The following PPP1CB variants were observed in gnomAD, a reference collection of about 807,000 sequenced individuals.
The protein encoded by PPP1CB is serine/threonine-protein phosphatase PP1-beta catalytic subunit.
In PPP1CB, 2 loss-of-function variants were observed where a neutral mutation model predicts 43.7. The ratio of observed to expected loss-of-function variants is 0.05; its 90% CI spans 0.02 to 0.14. The LOEUF (loss-of-function observed/expected upper bound fraction) is 0.14. Ranked by LOEUF, PPP1CB falls within the 10% of genes least tolerant of loss-of-function variation. PPP1CB has a pLI of 1.00. For missense variants in PPP1CB, 84 were observed against 398.0 expected, an observed-to-expected ratio of 0.21 and a Z score of 6.71; for synonymous variants, 136 against 135.6, an observed-to-expected ratio of 1.00 and a Z score of -0.02.
chr2:28,785,267 G>C (rs1667242421), intron 5 of PPP1CB, among the ~76,000 whole-genome samples: 1 of 151,106 alleles, frequency 6.6e-6, no homozygotes, highest in East Asian at 2.0e-4. Flanking sequence ...GTAGAGATGG[G>C]GTTTCACCAT....
At chr2:28,790,884 T>G (rs1220457050) in intron 6 of PPP1CB, among the ~76,000 whole-genome samples, 1 of 152,214 alleles carries the variant, frequency 6.6e-6, no homozygotes, top group Non-Finnish European at 1.5e-5. Context: ...TATCTACTTT[T>G]GTGTATATTT....
intron 2 of PPP1CB, chr2:28,778,469 A>G: frequency 2.1e-6 from 1 of 483,288 alleles, no homozygotes; most frequent in Non-Finnish European, 4.2e-6. Context: ...TCAGTTCCTT[A>G]TAGACTGATG....
At chr2:28,784,934 A>G (rs1427337974) in intron 5 of PPP1CB, among the ~76,000 whole-genome samples, 14 of 119,290 alleles carry the variant, frequency 1.2e-4, no homozygotes, top group Non-Finnish European at 2.2e-4. Flanking sequence ...AAAAAAAAAA[A>G]GAAAAAAGAA....
chr2:28,761,003 C>T (rs1442662955), intron 1 of PPP1CB, among the ~76,000 whole-genome samples: 3 of 152,088 alleles, frequency 2.0e-5, no homozygotes, highest in Admixed American at 6.5e-5. Flanking sequence ...TGGGTTCTAG[C>T]GATTCTCCTG....
intron 1 of PPP1CB, among the ~76,000 whole-genome samples, chr2:28,758,998 G>A (rs969099209): frequency 2.6e-5 from 4 of 152,194 alleles, no homozygotes; most frequent in Admixed American, 2.6e-4. Flanking sequence ...TCAGTTGCAA[G>A]GTGACCAAAA....
chr2:28,772,838 G>C (rs984137912), intron 1 of PPP1CB, among the ~76,000 whole-genome samples: 2 of 152,126 alleles, frequency 1.3e-5, no homozygotes, highest in East Asian at 3.9e-4. Context: ...CACTAAAAAA[G>C]GTTTCGGTTT....
intron 4 of PPP1CB, chr2:28,782,758 A>G (rs1667181420): frequency 6.6e-6 from 1 of 152,246 alleles, no homozygotes; most frequent in African/African-American, 2.4e-5. Flanking sequence ...TGTACAGGGA[A>G]GTAATTTAAT....
At position 28,799,406 on chromosome 2, in the gene PPP1CB, A is replaced by G; in HGVS notation, c.*103A>G. 1 of 860,716 alleles carries G rather than the reference A, an allele frequency of 1.2e-6. No homozygotes were observed. Among genetic ancestry groups the G allele is most frequent in the Non-Finnish European group, 1.8e-6 (1 of 552,202 alleles). 53.3% of individuals were successfully genotyped at this position (860,716 alleles called of 1,614,324 possible). A position where few individuals can be genotyped will look rare whatever the true frequency, so the allele number is the denominator to read the frequency against. On this transcript the variant is annotated 3_prime_UTR_variant, in exon 8 of 8. Coordinates refer to ENST00000395366, the MANE Select transcript of PPP1CB (RefSeq NM_002709.3). ...ATCCAGCCATTTGACACCCTTTATG[A>G]TGTCACACCTTTAACTTAAGGAGAC...
intron 1 of PPP1CB, among the ~76,000 whole-genome samples, chr2:28,758,431 G>C (rs1666539302): frequency 6.6e-6 from 1 of 152,228 alleles, no homozygotes; most frequent in Admixed American, 6.5e-5. Context: ...GGAAGAAATA[G>C]TTTGTAAATG....
chr2:28,799,071 A>G, intron 7 of PPP1CB, 128 bp from the exon 8 acceptor site: 1 of 636,040 alleles, frequency 1.6e-6, no homozygotes, highest in Non-Finnish European at 2.8e-6. Context: ...TGTTTATGGA[A>G]CTTTGCTATT....
rs1404006400 is a variant in PPP1CB, at chr2:28,800,421, T to C, written c.*1118T>C. On this transcript the variant is annotated 3_prime_UTR_variant, in exon 8 of 8. Coordinates refer to ENST00000395366, the MANE Select transcript of PPP1CB (RefSeq NM_002709.3). ...GTATTGGGTGCTTAACTGTCTAATA[T>C]TGCCATGTGAATGTTGTATACGATT... The C allele has an allele frequency of 6.6e-6, 1 of 152,326 alleles. No individual in the cohort carries two copies. The highest frequency in any genetic ancestry group is 2.4e-5 in the African/African-American group (1 of 41,384). The allele number at this position is 152,326 out of a possible 1,614,324, so 9.4% of individuals were successfully genotyped here.
chr2:28,789,585 T>C (rs1032913356), intron 6 of PPP1CB, among the ~76,000 whole-genome samples: 3 of 147,916 alleles, frequency 2.0e-5, no homozygotes, highest in African/African-American at 2.5e-5. Context: ...TTTGTAGATA[T>C]GATTTAGATT....
At chr2:28,768,241 A>G (rs1572450946) in intron 1 of PPP1CB, among the ~76,000 whole-genome samples, 1 of 152,078 alleles carries the variant, frequency 6.6e-6, no homozygotes, top group Non-Finnish European at 1.5e-5. Context: ...GACATTTCCT[A>G]GTTTGTGGCA....
rs1471092245 is a variant in PPP1CB, at chr2:28,751,945, G to C, written c.-180G>C. The C allele has an allele frequency of 6.1e-6, 4 of 655,654 alleles. No homozygotes were observed. In the African/African-American group the frequency reaches 7.7e-5, roughly 13 times the overall value. 40.6% of individuals were successfully genotyped at this position (655,654 alleles called of 1,614,324 possible). On this transcript the variant is annotated 5_prime_UTR_variant, in exon 1 of 8. Coordinates refer to ENST00000395366, the MANE Select transcript of PPP1CB (RefSeq NM_002709.3). ...TTTCCGTGGGTGCCTCCGAGTGTGC[G>C]CGCGCTCTCGCTACCCGGCGGGGAG...
At position 28,770,122 on chromosome 2, in the gene PPP1CB, G is replaced by T. The variant is rs530708794; in HGVS notation, c.53-6729G>T. Among the ~76,000 whole-genome samples, 389 of 151,918 alleles carry T rather than the reference G, an allele frequency of 2.6e-3. 4 individuals carry two copies. The highest frequency in any genetic ancestry group is 9.0e-3 in the African/African-American group (374 of 41,436). ...TATCTCTACTAAAAATACAAAAATT[G>T]GCTGGGCGTGGGTGCCTGTAATCCC... On this transcript the variant is annotated intron_variant, in intron 1 of 7. Coordinates refer to ENST00000395366, the MANE Select transcript of PPP1CB (RefSeq NM_002709.3).
In PPP1CB at chr2:28,783,015, C is replaced by T. The variant is rs533902645; in HGVS notation, c.521-892C>T. On this transcript the variant is annotated intron_variant, in intron 4 of 7. Transcript: ENST00000395366. ...TAGCAGTATGGATACGAATGTTTAG[C>T]TTCATTCCTTGTGATGATACTTGGA... Among the ~76,000 whole-genome samples the T allele has an allele frequency of 4.9e-4, 74 of 152,284 alleles. 1 individual carries two copies. The highest frequency in any genetic ancestry group is 9.8e-4 in the Non-Finnish European group (67 of 68,026).
At chr2:28,752,500 T>C (rs1457062130) in intron 1 of PPP1CB, among the ~76,000 whole-genome samples, 1 of 152,156 alleles carries the variant, frequency 6.6e-6, no homozygotes, top group Non-Finnish European at 1.5e-5. Context: ...CCGCGCGCCG[T>C]GGTGCTCGCC....
At chr2:28,775,357 C>T (rs1308001442) in intron 1 of PPP1CB, among the ~76,000 whole-genome samples, 1 of 152,154 alleles carries the variant, frequency 6.6e-6, no homozygotes, top group Non-Finnish European at 1.5e-5. Context: ...GATCCACCCA[C>T]CTTGGCCTCC....
At chr2:28,785,228 C>T (rs1326874523) in intron 5 of PPP1CB, among the ~76,000 whole-genome samples, 1 of 151,230 alleles carries the variant, frequency 6.6e-6, no homozygotes, top group Non-Finnish European at 1.5e-5. Context: ...GCGCCCGCCA[C>T]CACACCCGGC....
Sources: gnomAD v4.1 joint callset for allele counts (sites outside exome capture counted in the v4.1 genomes callset) on GRCh38, gnomAD v4.1.1 for gene constraint, MANE v1.5 for transcripts, NCBI Gene and HGNC (gene_info 2026-07-23, HGNC 2026-07-21) for gene names.